The following ACOT7 variants were observed in gnomAD, a reference collection of about 807,000 sequenced individuals.
ACOT7 encodes the protein cytosolic acyl coenzyme A thioester hydrolase.
Under a neutral mutation model 40.2 loss-of-function variants are expected in ACOT7, and 12 were observed. That is an observed-to-expected ratio of 0.30 (90% CI 0.19 to 0.48). The LOEUF is 0.48. ACOT7 is among the 20% of genes least tolerant of loss of function. The probability of loss-of-function intolerance (pLI) is 0.99; values close to 1 mark genes in which losing one functional copy is unlikely to be tolerated. For synonymous variants in ACOT7, 228 were observed against 219.5 expected (o/e 1.04, Z -0.34); for missense variants, 395 against 530.8 (o/e 0.74, Z 2.51).
At position 6,320,352 on chromosome 1, in the gene ACOT7, A is replaced by C. The variant is rs1238572829; in HGVS notation, c.626-1774T>G. 2.0e-5 allele frequency among the ~76,000 whole-genome samples: 3 copies of C among 152,212 alleles called. No homozygotes were observed. The East Asian group carries it at 5.8e-4, about 29-fold the overall frequency. On this transcript the variant is annotated intron_variant, in intron 5 of 8. Coordinates refer to ENST00000361521, the MANE Select transcript of ACOT7 (RefSeq NM_007274.4). ...AGGTTCACAGATTAGGCACTGTGTC[A>C]GTCAAGATCATAGTCACTGCTGCAG...
intron 8 of ACOT7, among the ~76,000 whole-genome samples, chr1:6,268,286 T>G (rs1015411115): frequency 6.6e-6 from 1 of 152,206 alleles, no homozygotes; most frequent in Non-Finnish European, 1.5e-5. Context: ...TTGAGAGCTC[T>G]CTGTGGTGGG....
At chr1:6,344,327 C>T (rs754018829) in intron 2 of ACOT7, among the ~76,000 whole-genome samples, 1 of 152,194 alleles carries the variant, frequency 6.6e-6, no homozygotes, top group Non-Finnish European at 1.5e-5. Context: ...TGCTGTCCCT[C>T]GGGACACCCC....
chr1:6,367,465 C>T (rs955230212), intron 1 of ACOT7, among the ~76,000 whole-genome samples: 2 of 152,176 alleles, frequency 1.3e-5, no homozygotes, highest in Admixed American at 6.5e-5. Flanking sequence ...TGGTGTGGAG[C>T]AGCGAGCAGT....
intron 1 of ACOT7, among the ~76,000 whole-genome samples, chr1:6,370,856 G>A (rs1642120730): frequency 2.1e-5 from 3 of 139,602 alleles, no homozygotes; most frequent in Non-Finnish European, 4.7e-5. Flanking sequence ...TATTGCCCAG[G>A]CTGGAGTGCA....
intron 6 of ACOT7, among the ~76,000 whole-genome samples, chr1:6,314,201 C>T (rs1466283056): frequency 1.3e-5 from 2 of 152,006 alleles, no homozygotes; most frequent in African/African-American, 4.8e-5. Flanking sequence ...AATCACAGTA[C>T]CCCACCTGAT....
At position 6,282,695 on chromosome 1, in the gene ACOT7, AT is replaced by A. The variant is rs769221314; in HGVS notation, c.830-1410del. 5 of 1,299,382 alleles carry A rather than the reference AT, an allele frequency of 3.8e-6. No homozygotes were observed. Among genetic ancestry groups the A allele is most frequent in the Non-Finnish European group, 5.1e-6 (5 of 984,634 alleles). The allele number at this position is 1,299,382 out of a possible 1,614,324, so 80.5% of individuals were successfully genotyped here. ...TTCCATGTTAAAAAGTATCAGAACG[AT>A]CCATGCTACATTCAACTTCATACTT... On this transcript the variant is annotated intron_variant, in intron 7 of 8. Coordinates refer to ENST00000361521, the MANE Select transcript of ACOT7 (RefSeq NM_007274.4). The surrounding 1 kb of genome is among the most constrained non-coding windows in gnomAD (Gnocchi z 4.5).
chr1:6,332,011 G>T (rs1640967801), intron 4 of ACOT7, among the ~76,000 whole-genome samples: 1 of 152,208 alleles, frequency 6.6e-6, no homozygotes, highest in Non-Finnish European at 1.5e-5. Context: ...GGAGAGCCAG[G>T]CCTCCTACAG....
chr1:6,386,513 G>T (rs1457322596), intron 1 of ACOT7, among the ~76,000 whole-genome samples: 1 of 152,088 alleles, frequency 6.6e-6, no homozygotes, highest in Admixed American at 6.6e-5. Context: ...TTCCCAGTAC[G>T]ACATCGTAAA....
intron 6 of ACOT7, among the ~76,000 whole-genome samples, chr1:6,303,881 G>A (rs1159213927): frequency 6.6e-6 from 1 of 152,176 alleles, no homozygotes; most frequent in Non-Finnish European, 1.5e-5. Context: ...CACGCCCATT[G>A]ATTCCTTACA....
intron 8 of ACOT7, among the ~76,000 whole-genome samples, chr1:6,268,689 C>A (rs887945819): frequency 6.6e-6 from 1 of 152,246 alleles, no homozygotes; most frequent in Non-Finnish European, 1.5e-5. Context: ...ACGGCCCGAA[C>A]GGCAGGGAGA....
intron 2 of ACOT7, among the ~76,000 whole-genome samples, chr1:6,348,946 C>T (rs4446998): frequency 2.6e-5 from 4 of 152,224 alleles, no homozygotes; most frequent in African/African-American, 9.6e-5. Context: ...CAAGCTGGGG[C>T]TGAGTCTTCC....
Position 6,393,449 on chromosome 1 carries a change from C to T in ACOT7, c.-50G>A. On this transcript the variant is annotated 5_prime_UTR_variant, in exon 1 of 9. Coordinates refer to ENST00000361521, the MANE Select transcript of ACOT7 (RefSeq NM_007274.4). ...GATGGGGCTGGTGAGGCGGGGCCTG[C>T]GCGCCGGGGGCAATCGAACGCGGCC... 2 of 1,063,788 alleles carry T rather than the reference C, an allele frequency of 1.9e-6. No individual in the cohort carries two copies. Among genetic ancestry groups the T allele is most frequent in the Non-Finnish European group, 2.2e-6 (2 of 905,882 alleles). 65.9% of individuals were successfully genotyped at this position (1,063,788 alleles called of 1,614,324 possible).
intron 2 of ACOT7, among the ~76,000 whole-genome samples, chr1:6,346,277 G>GT (rs1202837461): frequency 6.6e-6 from 1 of 152,188 alleles, no homozygotes; most frequent in African/African-American, 2.4e-5. Context: ...AATTTTTGTA[G>GT]TTTTTGTAGA....
chr1:6,370,951 T>C (rs1289640553), intron 1 of ACOT7, among the ~76,000 whole-genome samples: 2 of 151,616 alleles, frequency 1.3e-5, no homozygotes, highest in East Asian at 3.9e-4. Context: ...GCTGGGATTA[T>C]AGGCGCCTGC....
intron 3 of ACOT7, among the ~76,000 whole-genome samples, chr1:6,338,000 CAAAAAAAAAA>C (rs769360339): frequency 1.4e-5 from 1 of 71,814 alleles, no homozygotes; most frequent in Admixed American, 1.6e-4. Flanking sequence ...GACACCATCT[CAAAAAAAAAA>C]AAAAAAAAAA....
intron 1 of ACOT7, among the ~76,000 whole-genome samples, chr1:6,375,925 G>A (rs1198075096): frequency 1.1e-4 from 16 of 142,498 alleles, no homozygotes; most frequent in Admixed American, 5.8e-4. Flanking sequence ...GCAACAGAGC[G>A]AGACTCCACC....
intron 6 of ACOT7, among the ~76,000 whole-genome samples, chr1:6,300,265 T>C (rs1186516553): frequency 6.6e-6 from 1 of 152,138 alleles, no homozygotes; most frequent in Non-Finnish European, 1.5e-5. Flanking sequence ...GGACAGCACA[T>C]GGACACAGGG....
rs1459937379 is a variant in ACOT7 at position 6,359,735 on chromosome 1, C to T, written c.144-9869G>A. Among the ~76,000 whole-genome samples, 1 of 152,260 alleles carries T rather than the reference C, an allele frequency of 6.6e-6. No individual in the cohort carries two copies. Among genetic ancestry groups the T allele is most frequent in the Non-Finnish European group, 1.5e-5 (1 of 68,044 alleles). ...GATGTGTTATCACCACAACCTCCCC[C>T]AATGCTGCCCCCACCAGGGCTGCTT... On this transcript the variant is annotated intron_variant, in intron 1 of 8. Transcript: ENST00000361521. This position sits in a 1 kb window ranked among gnomAD's most constrained non-coding sequence, Gnocchi z 4.1.
At chr1:6,266,945 G>A (rs1375052231) in intron 8 of ACOT7, among the ~76,000 whole-genome samples, 1 of 152,236 alleles carries the variant, frequency 6.6e-6, no homozygotes, top group Non-Finnish European at 1.5e-5. Context: ...ATCGGGTTGG[G>A]AGCAGGAGAG....
Sources: gnomAD v4.1 joint callset for allele counts (sites outside exome capture counted in the v4.1 genomes callset) on GRCh38, gnomAD v4.1.1 for gene constraint, Gnocchi (gnomAD v3.1) non-coding constraint, MANE v1.5 for transcripts, NCBI Gene and HGNC (gene_info 2026-07-23, HGNC 2026-07-21) for gene names.